Variants in UGT2A2 observed in about 807,000 individuals in gnomAD.
UGT2A2 encodes UDP glucuronosyltransferase family 2 member A2, also known as UDP-glucuronosyltransferase 2A2.
In UGT2A2, 60 loss-of-function variants were observed where a neutral mutation model predicts 50.7. The ratio of observed to expected loss-of-function variants is 1.18; its 90% confidence interval spans 0.96 to 1.47. The LOEUF is 1.47. Ranked by LOEUF, UGT2A2 falls within the 40% of genes most tolerant of loss-of-function variation. UGT2A2 has a pLI of 0.00. For missense variants in UGT2A2, 762 were observed against 634.0 expected (o/e 1.20, Z -2.17); for synonymous variants, 242 against 214.6 (o/e 1.13, Z -1.11).
intron 1 of UGT2A2, among the ~76,000 whole-genome samples, chr4:69,624,283 A>G (rs1560485071): frequency 6.6e-6 from 1 of 151,518 alleles, no homozygotes; most frequent in East Asian, 1.9e-4. Flanking sequence ...TCTAATATTA[A>G]TGCAGCCACT....
intron 1 of UGT2A2, among the ~76,000 whole-genome samples, chr4:69,627,326 CT>C (rs1721116266): frequency 6.6e-6 from 1 of 151,752 alleles, no homozygotes; most frequent in South Asian, 2.1e-4. Flanking sequence ...AAATGAGTCT[CT>C]TAACAGCATT....
At position 69,599,953 on chromosome 4, in the gene UGT2A2, C is replaced by A. The variant is rs192704551; in HGVS notation, c.743-559G>T. 6.6e-5 allele frequency among the ~76,000 whole-genome samples: 10 copies of A among 152,302 alleles called. No individual in the cohort carries two copies. The East Asian group carries it at 1.7e-3, about 26-fold the overall frequency. On this transcript the variant is annotated intron_variant, in intron 1 of 5. Transcript: ENST00000604629. ...CTTCCCCAGGACAGCAAATCAGAGG[C>A]ATTGCTAGCATGCCTCTCCCACTTG...
chr4:69,598,952 T>C (rs1719092539), intron 2 of UGT2A2, among the ~76,000 whole-genome samples: 1 of 152,152 alleles, frequency 6.6e-6, no homozygotes, highest in Admixed American at 6.5e-5. Flanking sequence ...GCAGTATCCT[T>C]CGTAATTTCT....
intron 1 of UGT2A2, among the ~76,000 whole-genome samples, chr4:69,608,512 T>C (rs1204746231): frequency 6.6e-6 from 1 of 151,856 alleles, no homozygotes; most frequent in Non-Finnish European, 1.5e-5. Context: ...CTGGCACATG[T>C]ATGTAACTAA....
At chr4:69,624,743 A>G (rs575217058) in intron 1 of UGT2A2, among the ~76,000 whole-genome samples, 9 of 151,384 alleles carry the variant, frequency 5.9e-5, no homozygotes, top group Non-Finnish European at 1.3e-4. Context: ...TTGTTGCCAT[A>G]CAGTTTACTT....
At position 69,605,417 on chromosome 4, in the gene UGT2A2, A is replaced by G. The variant is rs941382584; in HGVS notation, c.743-6023T>C. ...TACCAGAATCTCTGGGACACATTCA[A>G]AGCAGTGTGTAGAGGGAAATTTATA... is the stretch of plus-strand genomic sequence containing the variant. On this transcript the variant is annotated intron_variant, in intron 1 of 5. Coordinates refer to ENST00000604629, the MANE Select transcript of UGT2A2 (RefSeq NM_001105677.2). Among the ~76,000 whole-genome samples the G allele has an allele frequency of 2.2e-5, 3 of 137,014 alleles. 1 individual carries two copies. Among genetic ancestry groups the G allele is most frequent in the Non-Finnish European group, 4.7e-5 (3 of 64,432 alleles). 89.9% of individuals were successfully genotyped at this position (137,014 alleles called of 152,430 possible).
intron 2 of UGT2A2, among the ~76,000 whole-genome samples, chr4:69,598,788 C>A (rs1190799074): frequency 2.6e-5 from 4 of 151,990 alleles, no homozygotes; most frequent in Non-Finnish European, 5.9e-5. Flanking sequence ...AACCTAAGAG[C>A]CCTGCCTTAT....
At chr4:69,605,657 C>A (rs910036225) in intron 1 of UGT2A2, among the ~76,000 whole-genome samples, 1 of 135,450 alleles carries the variant, frequency 7.4e-6, no homozygotes, top group Admixed American at 7.3e-5. Flanking sequence ...AAAGATCAAC[C>A]AAACTGATAG....
At chr4:69,594,364 G>A (rs1718779679) in intron 5 of UGT2A2, 113 bp downstream of exon 5, 1 of 1,364,256 alleles carries the variant, frequency 7.3e-7, no homozygotes, top group South Asian at 1.5e-5. Flanking sequence ...ATATTGGTCA[G>A]GTTATGGTTG....
chr4:69,589,535 A>C lies in UGT2A2; in HGVS notation c.1448T>G (p.Leu483Arg). The C allele has an allele frequency of 6.2e-7, 1 of 1,614,112 alleles. No homozygotes were observed. Among genetic ancestry groups the C allele is most frequent in the Non-Finnish European group, 8.5e-7 (1 of 1,179,984 alleles). Residue 483 changes from leucine to arginine, a missense_variant, in exon 6 of 6, where the codon CTT becomes CGT. By Grantham distance (102) the Leu-to-Arg change is moderately radical (BLOSUM62 -2). Coordinates refer to ENST00000604629, the MANE Select transcript of UGT2A2 (RefSeq NM_001105677.2). The part of the protein sequence containing the change: ...FVMRHKGAKH[L>R]RVAAHDLTWF... ...GGTGAGGTCATGGGCTGCAACCCGAAGGTGCTTGGCTCCTTTGTGGCGCAT... is the reference window on the plus strand; with the variant it reads ...GGTGAGGTCATGGGCTGCAACCCGACGGTGCTTGGCTCCTTTGTGGCGCAT...
intron 5 of UGT2A2, 44 bp downstream of exon 5, chr4:69,594,433 A>G (rs1482510379): frequency 6.3e-7 from 1 of 1,599,808 alleles, no homozygotes; most frequent in Admixed American, 1.7e-5. Flanking sequence ...ATTATGAATA[A>G]TGTAATTAAA....
chr4:69,606,791 G>A lies in UGT2A2; in HGVS notation c.743-7397C>T, dbSNP rs1445403101. Among the ~76,000 whole-genome samples the A allele has an allele frequency of 6.6e-5, 9 of 136,480 alleles. 1 individual carries two copies. The highest frequency in any genetic ancestry group is 1.2e-4 in the Non-Finnish European group (8 of 64,284). The allele number at this position is 136,480 out of a possible 152,430, so 89.5% of individuals were successfully genotyped here. ...TATACACCAATAACAGACAAACAGA[G>A]AGCCAAATCACGAGTGAGCTCCCAT... On this transcript the variant is annotated intron_variant, in intron 1 of 5. Coordinates refer to ENST00000604629, the MANE Select transcript of UGT2A2 (RefSeq NM_001105677.2).
chr4:69,615,527 G>T (rs1351707688), intron 1 of UGT2A2, among the ~76,000 whole-genome samples: 2 of 151,990 alleles, frequency 1.3e-5, no homozygotes, highest in South Asian at 2.1e-4. Context: ...AATTCAAAAA[G>T]AAAAGAATGA....
intron 1 of UGT2A2, among the ~76,000 whole-genome samples, chr4:69,605,464 G>C (rs1719552065): frequency 7.3e-6 from 1 of 136,494 alleles, no homozygotes; most frequent in South Asian, 2.4e-4. Context: ...CCACAGAACA[G>C]AGCAGGAAAG....
intron 1 of UGT2A2, among the ~76,000 whole-genome samples, chr4:69,623,972 T>A (rs892502602): frequency 6.6e-6 from 1 of 151,670 alleles, no homozygotes; most frequent in Non-Finnish European, 1.5e-5. Context: ...TTGTGAAATG[T>A]AACAAAAACA....
intron 1 of UGT2A2, among the ~76,000 whole-genome samples, chr4:69,604,556 G>A (rs62306494): frequency 0.18 from 24,960 of 135,342 alleles, 6,055 homozygotes; most frequent in Non-Finnish European, 0.22. Context: ...ACAGGATCAA[G>A]TTCACACATA....
intron 1 of UGT2A2, among the ~76,000 whole-genome samples, chr4:69,609,633 G>A (rs959510688): frequency 2.0e-5 from 3 of 152,124 alleles, no homozygotes; most frequent in African/African-American, 7.2e-5. Context: ...CTAGTATAAT[G>A]TCTCTGAGAT....
At chr4:69,593,572 T>C (rs1284460257) in intron 5 of UGT2A2, among the ~76,000 whole-genome samples, 3 of 151,376 alleles carry the variant, frequency 2.0e-5, no homozygotes, top group Non-Finnish European at 4.4e-5. Flanking sequence ...ATATATATAA[T>C]ATACTAAGCT....
chr4:69,596,858 A>C (rs1406959553), intron 2 of UGT2A2, among the ~76,000 whole-genome samples: 1 of 152,210 alleles, frequency 6.6e-6, no homozygotes, highest in Non-Finnish European at 1.5e-5. Flanking sequence ...CGTCTCTGAA[A>C]TGTATAACTT....
Sources: gnomAD v4.1 joint callset for allele counts (sites outside exome capture counted in the v4.1 genomes callset) on GRCh38, gnomAD v4.1.1 for gene constraint, MANE v1.5 for transcripts, NCBI Gene and HGNC (gene_info 2026-07-23, HGNC 2026-07-21) for gene names.